Variants in DNAH3 observed in about 807,000 individuals in gnomAD.
DNAH3 encodes the protein axonemal beta dynein heavy chain 3.
In DNAH3, 332 loss-of-function variants were observed where a neutral mutation model predicts 432.5. The observed-to-expected ratio is 0.77, with a 90% CI of 0.70 to 0.84. DNAH3 has a LOEUF of 0.84. Ranked by LOEUF, DNAH3 falls within the 40% of genes least tolerant of loss-of-function variation. DNAH3 has a pLI of 0.00. For missense variants in DNAH3, 4,861 were observed against 5,114.0 expected (o/e 0.95, Z 1.51); for synonymous variants, 1,956 against 1,900.2 (o/e 1.03, Z -0.76).
At chr16:21,077,543 T>C (rs149859039) in intron 20 of DNAH3, among the ~76,000 whole-genome samples, 12 of 152,260 alleles carry the variant, frequency 7.9e-5, no homozygotes, top group African/African-American at 2.4e-4. Flanking sequence ...TCCCTTCCCT[T>C]TTCAAAAACA....
intron 19 of DNAH3, among the ~76,000 whole-genome samples, chr16:21,085,342 A>G (rs1197550287): frequency 6.6e-6 from 1 of 151,888 alleles, no homozygotes; most frequent in Admixed American, 6.6e-5. Flanking sequence ...TCAGGAGTTC[A>G]AGACCAGCCT....
intron 50 of DNAH3, among the ~76,000 whole-genome samples, chr16:20,977,626 T>C (rs963409150): frequency 2.0e-5 from 3 of 152,170 alleles, no homozygotes; most frequent in African/African-American, 7.2e-5. Flanking sequence ...TTTGGAGTCA[T>C]GCAGATCTAA....
chr16:21,101,560 C>T (rs1162390534), intron 16 of DNAH3, among the ~76,000 whole-genome samples: 1 of 152,158 alleles, frequency 6.6e-6, no homozygotes, highest in Non-Finnish European at 1.5e-5. Context: ...ATAGAATTCA[C>T]TCCCATGTTC....
chr16:21,026,581 G>A (rs2088567846), intron 38 of DNAH3, among the ~76,000 whole-genome samples: 1 of 151,256 alleles, frequency 6.6e-6, no homozygotes, highest in South Asian at 2.1e-4. Context: ...TGTGCTTGTA[G>A]TCCCAGTTAC....
chr16:21,044,802 C>T (rs2089617981), intron 31 of DNAH3, among the ~76,000 whole-genome samples: 1 of 110,670 alleles, frequency 9.0e-6, no homozygotes, highest in Non-Finnish European at 1.8e-5. Context: ...ATGATACTGG[C>T]TGTGGGTTTG....
exon 48 of DNAH3, chr16:20,985,092 G>A (rs1379875436): frequency 4.3e-6 from 7 of 1,613,508 alleles, no homozygotes; most frequent in Admixed American, 1.7e-5. Context: ...CAATAAAGAA[G>A]TTATACATAG....
intron 29 of DNAH3, among the ~76,000 whole-genome samples, chr16:21,051,130 C>A (rs1307170401): frequency 1.3e-5 from 2 of 152,186 alleles, no homozygotes; most frequent in African/African-American, 4.8e-5. Flanking sequence ...GTTTTACAAT[C>A]TAAAAAACTC....
At position 21,105,217 on chromosome 16, in the gene DNAH3, T is replaced by A. The variant is rs151099043; in HGVS notation, c.2285-665A>T. 1.6e-4 allele frequency among the ~76,000 whole-genome samples: 24 copies of A among 152,186 alleles called. No homozygotes were observed. In the East Asian group the frequency reaches 4.4e-3, roughly 28 times the overall value. Reference sequence around the variant, plus strand: ...TTAGGGAACCACTTTTCACTCCCAGTCCCCATCTCTCCCTCCCATCAACCT... The same window carrying A: ...TTAGGGAACCACTTTTCACTCCCAGACCCCATCTCTCCCTCCCATCAACCT... On this transcript the variant is annotated intron_variant, in intron 15 of 61. Coordinates refer to ENST00000261383, the Ensembl canonical transcript of DNAH3.
At chr16:20,985,055 C>A (rs768227114) in intron 48 of DNAH3, 1 of 1,599,064 alleles carries the variant, frequency 6.3e-7, no homozygotes, top group South Asian at 1.1e-5. Flanking sequence ...TTACCGAGGA[C>A]AATGTGAAGG....
At chr16:20,969,121 T>TG (rs1491196595) in intron 52 of DNAH3, among the ~76,000 whole-genome samples, 2 of 145,364 alleles carry the variant, frequency 1.4e-5, no homozygotes, top group African/African-American at 5.1e-5. Flanking sequence ...TGTGTGTGTG[T>TG]TTCCCTGTCT....
intron 44 of DNAH3, among the ~76,000 whole-genome samples, chr16:20,988,997 G>A (rs766842272): frequency 6.6e-6 from 1 of 152,240 alleles, no homozygotes; most frequent in Non-Finnish European, 1.5e-5. Flanking sequence ...GACTTTCGCG[G>A]GGAGTGTTAC....
intron 44 of DNAH3, among the ~76,000 whole-genome samples, chr16:20,990,010 A>G (rs1379428145): frequency 6.6e-6 from 1 of 152,052 alleles, no homozygotes; most frequent in Non-Finnish European, 1.5e-5. Context: ...CCCGGTTCCC[A>G]CTCGCGCCTC....
chr16:20,958,233 C>A (rs2084663574), intron 54 of DNAH3, among the ~76,000 whole-genome samples: 1 of 151,810 alleles, frequency 6.6e-6, no homozygotes, highest in Non-Finnish European at 1.5e-5. Context: ...CCACCATGCC[C>A]AGCTCATTTT....
At chr16:21,051,082 T>C (rs893977880) in intron 29 of DNAH3, among the ~76,000 whole-genome samples, 1 of 152,208 alleles carries the variant, frequency 6.6e-6, no homozygotes. Flanking sequence ...AAACAAGTGG[T>C]TGAGGATTTT....
At chr16:21,110,277 A>G (rs2092040647) in intron 14 of DNAH3, among the ~76,000 whole-genome samples, 3 of 152,220 alleles carry the variant, frequency 2.0e-5, no homozygotes, top group Non-Finnish European at 4.4e-5. Flanking sequence ...CCCATCCCAG[A>G]GATGGGAACA....
intron 7 of DNAH3, among the ~76,000 whole-genome samples, chr16:21,133,667 G>C (rs2092601933): frequency 6.6e-6 from 1 of 152,018 alleles, no homozygotes; most frequent in Non-Finnish European, 1.5e-5. Context: ...TTGAACCCGG[G>C]AGGCGGAGGC....
At chr16:20,968,363 C>G (rs35302131) in intron 52 of DNAH3, among the ~76,000 whole-genome samples, 10,844 of 152,148 alleles carry the variant, frequency 0.071, 524 homozygotes, top group East Asian at 0.17. Context: ...GCCACTGCAC[C>G]TGGATGGGAT....
chr16:21,128,416 C>T (rs973629524), intron 7 of DNAH3, among the ~76,000 whole-genome samples: 1 of 138,200 alleles, frequency 7.2e-6, no homozygotes, highest in Admixed American at 7.3e-5. Context: ...CAAAAAAGGC[C>T]GGGCGCGGTG....
intron 20 of DNAH3, 34 bp downstream of exon 20, chr16:21,081,601 CA>C: frequency 6.3e-7 from 1 of 1,575,122 alleles, no homozygotes; most frequent in Non-Finnish European, 8.7e-7. Context: ...ATCCTTTGAC[CA>C]AAACCTTATC....
Sources: allele counts gnomAD v4.1 joint callset (sites outside exome capture counted in the v4.1 genomes callset), GRCh38; gene constraint gnomAD v4.1.1; transcripts MANE v1.5; gene names NCBI Gene and HGNC (gene_info 2026-07-23, HGNC 2026-07-21).